Variants in RSF1 observed in about 807,000 individuals in gnomAD.
The protein encoded by RSF1 is HBV pX-associated protein 8.
RSF1 carries 13 observed loss-of-function variants against 145.2 expected under a neutral mutation model. The observed-to-expected ratio is 0.09, with a 90% confidence interval of 0.06 to 0.14. The LOEUF is 0.14. RSF1 is among the 10% of genes least tolerant of loss of function. RSF1 has a pLI of 1.00. For missense variants in RSF1, 1,517 were observed against 1,718.2 expected (o/e 0.88, Z 2.07); for synonymous variants, 577 against 592.6 (o/e 0.97, Z 0.38).
In RSF1 at chr11:77,789,290, T is replaced by C. The variant is rs535297024; in HGVS notation, c.188-24601A>G. Among the ~76,000 whole-genome samples the C allele has an allele frequency of 3.9e-5, 6 of 152,290 alleles. No individual in the cohort carries two copies. The East Asian group carries it at 7.7e-4, about 20-fold the overall frequency. On this transcript the variant is annotated intron_variant, in intron 1 of 15. Coordinates refer to ENST00000308488, the MANE Select transcript of RSF1 (RefSeq NM_016578.4). Reference sequence around the variant, plus strand: ...AAGCTGTCGGGAGATTGTATGAAGATGCAGCTCCAGGGAGGGAGCTTGTCC... The same window carrying C: ...AAGCTGTCGGGAGATTGTATGAAGACGCAGCTCCAGGGAGGGAGCTTGTCC...
intron 5 of RSF1, among the ~76,000 whole-genome samples, chr11:77,719,822 T>C (rs1280212701): frequency 6.6e-6 from 1 of 152,228 alleles, no homozygotes; most frequent in Non-Finnish European, 1.5e-5. Context: ...AGCATATGTT[T>C]TTAACATTAT....
Position 77,701,318 on chromosome 11 carries a change from G to A in RSF1, c.1911C>T (p.His637=), listed in dbSNP as rs1448417121. The A allele has an allele frequency of 1.2e-6, 2 of 1,614,084 alleles. No individual in the cohort carries two copies. The highest frequency in any genetic ancestry group is 2.2e-5 in the South Asian group (2 of 91,082). Residue 637 remains histidine (H), a synonymous_variant, in exon 6 of 16, where the codon CAC becomes CAT. Coordinates refer to ENST00000308488, the MANE Select transcript of RSF1 (RefSeq NM_016578.4). ...ETSPPSNIID[H]CEKLASEKEV... ...CTTTTTCTGAGGCTAGTTTCTCACA[G>A]TGGTCAATGATATTAGATGGTGGAG... is the stretch of plus-strand genomic sequence containing the variant.
intron 4 of RSF1, among the ~76,000 whole-genome samples, chr11:77,737,166 C>G (rs7931137): frequency 0.8 from 121,325 of 152,146 alleles, 48,532 homozygotes; most frequent in South Asian, 0.9. Context: ...GAAAACTATG[C>G]GATGGGTATG....
At chr11:77,689,585 T>C (rs1245858510) in intron 9 of RSF1, among the ~76,000 whole-genome samples, 1 of 152,258 alleles carries the variant, frequency 6.6e-6, no homozygotes, top group Non-Finnish European at 1.5e-5. Flanking sequence ...GCTTTTAATA[T>C]ATCTCCACTT....
At chr11:77,835,074 C>G in the RSF1 span, among the ~76,000 whole-genome samples, 3 of 152,160 alleles carry the variant, frequency 2.0e-5, no homozygotes, top group Non-Finnish European at 4.4e-5. Flanking sequence ...CCCTTGAAAT[C>G]TCTACTTTTA....
At position 77,725,522 on chromosome 11, in the gene RSF1, A is replaced by C. The variant is rs376115389; in HGVS notation, c.733+23T>G. The C allele has an allele frequency of 8.6e-6, 13 of 1,518,218 alleles. No individual in the cohort carries two copies. In the East Asian group the frequency reaches 3.0e-4, roughly 35 times the overall value. 94.0% of individuals were successfully genotyped at this position (1,518,218 alleles called of 1,614,324 possible). On this transcript the variant is annotated intron_variant, in intron 5 of 15. Transcript: ENST00000308488. Reference sequence around the variant, plus strand: ...ATGGAAGAGATTACAAAACAAAGCAAAACAAAACACACAAAAAAAAACCTT... The same window carrying C: ...ATGGAAGAGATTACAAAACAAAGCACAACAAAACACACAAAAAAAAACCTT...
intron 2 of RSF1, among the ~76,000 whole-genome samples, chr11:77,756,488 C>G (rs1169963584): frequency 6.6e-6 from 1 of 151,958 alleles, no homozygotes. Flanking sequence ...TCATAACAAC[C>G]TTTTCAGTAA....
At chr11:77,757,603 G>A (rs975617143) in intron 2 of RSF1, among the ~76,000 whole-genome samples, 9 of 152,138 alleles carry the variant, frequency 5.9e-5, no homozygotes, top group Non-Finnish European at 1.5e-5. Flanking sequence ...GCTTGAACCC[G>A]GGAAGCGGAG....
chr11:77,806,458 CTCAGGCACT>C (rs1948678523), intron 1 of RSF1, among the ~76,000 whole-genome samples: 1 of 152,088 alleles, frequency 6.6e-6, no homozygotes, highest in Non-Finnish European at 1.5e-5. Context: ...TCTCAGGCAT[CTCAGGCACT>C]ATTATAAAAC....
chr11:77,671,106 C>CAAAAAA (rs1171789380), intron 15 of RSF1, among the ~76,000 whole-genome samples: 1 of 5,530 alleles, frequency 1.8e-4, no homozygotes, highest in Admixed American at 3.6e-3. Flanking sequence ...ACTCTGTCAC[C>CAAAAAA]AAAAAAAAAA....
the RSF1 span, among the ~76,000 whole-genome samples, chr11:77,858,132 C>T: frequency 0.012 from 1,876 of 151,680 alleles, 36 homozygotes; most frequent in African/African-American, 0.042. Context: ...AATCCTGTCG[C>T]GTCAGCCTCC....
At chr11:77,862,584 G>C in the RSF1 span, among the ~76,000 whole-genome samples, 1 of 152,094 alleles carries the variant, frequency 6.6e-6, no homozygotes, top group Admixed American at 6.5e-5. Flanking sequence ...AGGTTGAAGG[G>C]GTGTCCTTAT....
chr11:77,817,682 C>G (rs1948794971), intron 1 of RSF1, among the ~76,000 whole-genome samples: 1 of 152,156 alleles, frequency 6.6e-6, no homozygotes, highest in African/African-American at 2.4e-5. Flanking sequence ...TCTTAAGCAC[C>G]TTAATCTATT....
At chr11:77,785,505 G>A (rs1038381938) in intron 1 of RSF1, among the ~76,000 whole-genome samples, 3 of 151,992 alleles carry the variant, frequency 2.0e-5, no homozygotes, top group African/African-American at 4.8e-5. Flanking sequence ...CAGGAGAATT[G>A]CTTGAACCTG....
At chr11:77,769,295 C>T (rs753906904) in intron 1 of RSF1, among the ~76,000 whole-genome samples, 11 of 152,174 alleles carry the variant, frequency 7.2e-5, no homozygotes, top group Non-Finnish European at 1.5e-4. Flanking sequence ...AATACATGAT[C>T]ATTTTCTAAA....
rs1044803728 is a variant in RSF1, at chr11:77,781,358, CA to C, written c.188-16670del. Among the ~76,000 whole-genome samples, 6 of 152,300 alleles carry C rather than the reference CA, an allele frequency of 3.9e-5. No homozygotes were observed. In the East Asian group the frequency reaches 1.2e-3, roughly 29 times the overall value. ...AAGTGTTCTGCCCACCTCAGCCTTG[CA>C]AAATGTTAGAATTACAGATGTGAGC... On this transcript the variant is annotated intron_variant, in intron 1 of 15. Transcript: ENST00000308488.
chr11:77,777,581 G>T (rs1022075745), intron 1 of RSF1, among the ~76,000 whole-genome samples: 1 of 152,064 alleles, frequency 6.6e-6, no homozygotes. Flanking sequence ...CAACAAGAGC[G>T]AAACTCCGTC....
the RSF1 span, chr11:77,872,172 CA>C: frequency 6.2e-7 from 1 of 1,611,648 alleles, no homozygotes; most frequent in Non-Finnish European, 8.5e-7. Flanking sequence ...TCCACCTTCC[CA>C]GGTGCCTTCA....
chr11:77,667,844 C>T (rs868730813), intron 15 of RSF1, among the ~76,000 whole-genome samples: 17 of 152,116 alleles, frequency 1.1e-4, no homozygotes, highest in African/African-American at 2.7e-4. Context: ...GCTGGGATTA[C>T]AGGCGCCAGC....
Sources: allele counts gnomAD v4.1 joint callset (sites outside exome capture counted in the v4.1 genomes callset), GRCh38; gene constraint gnomAD v4.1.1; transcripts MANE v1.5; gene names NCBI Gene and HGNC (gene_info 2026-07-23, HGNC 2026-07-21).